The following KSR2 variants were observed in gnomAD, a reference collection of about 807,000 sequenced individuals.
KSR2 encodes the protein kinase suppressor of ras 2.
Under a neutral mutation model 107.8 loss-of-function variants are expected in KSR2, and 25 were observed. The ratio of observed to expected loss-of-function variants is 0.23; its 90% CI spans 0.17 to 0.32. KSR2 has a LOEUF of 0.32. Among genes scored for constraint, KSR2 ranks in the 10% least tolerant of loss-of-function variants. The pLI, the probability that KSR2 is intolerant of heterozygous loss-of-function variation, is 1.00. For missense variants in KSR2, 887 were observed against 1,268.9 expected, an observed-to-expected ratio of 0.70 and a Z score of 4.57; for synonymous variants, 480 against 507.0, an observed-to-expected ratio of 0.95 and a Z score of 0.71.
intron 5 of KSR2, among the ~76,000 whole-genome samples, chr12:117,608,529 C>T (rs1412173864): frequency 6.6e-6 from 1 of 152,174 alleles, no homozygotes; most frequent in African/African-American, 2.4e-5. Context: ...GGAATAGAAT[C>T]AGAGTGGCCT....
chr12:117,574,451 G>C (rs771573167), intron 7 of KSR2, among the ~76,000 whole-genome samples: 1 of 152,128 alleles, frequency 6.6e-6, no homozygotes, highest in Non-Finnish European at 1.5e-5. Flanking sequence ...CCATGTGGCT[G>C]GGGAGGCCTC....
intron 7 of KSR2, among the ~76,000 whole-genome samples, chr12:117,572,396 G>A (rs1878950664): frequency 6.6e-6 from 1 of 152,112 alleles, no homozygotes; most frequent in African/African-American, 2.4e-5. Context: ...ATCTGCAGAC[G>A]GGCTCAGGAA....
intron 3 of KSR2, among the ~76,000 whole-genome samples, chr12:117,834,852 G>A (rs1347548655): frequency 2.0e-5 from 3 of 152,330 alleles, no homozygotes; most frequent in South Asian, 2.1e-4. Context: ...ATGCAAAGGT[G>A]GGAATTAATT....
intron 7 of KSR2, among the ~76,000 whole-genome samples, chr12:117,563,387 C>G (rs1184732398): frequency 2.0e-5 from 3 of 152,134 alleles, no homozygotes. Context: ...GTATATAGAA[C>G]AAACCTAGGT....
chr12:117,565,024 T>A (rs1054394502), intron 7 of KSR2, among the ~76,000 whole-genome samples: 3 of 152,170 alleles, frequency 2.0e-5, no homozygotes, highest in Admixed American at 6.5e-5. Flanking sequence ...TGGATCTCCA[T>A]GGGAACTGCG....
At chr12:117,735,638 G>C (rs10850893) in intron 4 of KSR2, among the ~76,000 whole-genome samples, 39,835 of 151,962 alleles carry the variant, frequency 0.26, 5,501 homozygotes, top group East Asian at 0.45. Flanking sequence ...CATTCCGCTT[G>C]TGGTAAAACA....
At chr12:117,667,695 A>T in intron 4 of KSR2, 37 bp from the exon 5 acceptor site, 1 of 1,503,172 alleles carries the variant, frequency 6.7e-7, no homozygotes, top group Non-Finnish European at 8.9e-7. Flanking sequence ...AAGGAAATAT[A>T]TCCATAGGTG....
intron 4 of KSR2, among the ~76,000 whole-genome samples, chr12:117,759,538 C>T (rs138162610): frequency 0.019 from 2,959 of 152,246 alleles, 39 homozygotes; most frequent in Admixed American, 0.032. Context: ...TTCAATGGTA[C>T]TAATTACATT....
chr12:117,714,671 G>C lies in KSR2; in HGVS notation c.986+46340C>G, dbSNP rs115942572. 7.8e-3 allele frequency among the ~76,000 whole-genome samples: 1,186 copies of C among 152,272 alleles called. 19 individuals are homozygous for C. The highest frequency in any genetic ancestry group is 0.027 in the African/African-American group (1,137 of 41,552). On this transcript the variant is annotated intron_variant, in intron 4 of 19. Transcript: ENST00000339824. ...CTTCTCAGCCCAGTCCTCTGTAACA[G>C]CTGCCTCACGACTCACAAAGTCCCT...
chr12:117,761,166 C>A lies in KSR2; in HGVS notation c.831G>T (p.Pro277=). 3 of 1,600,290 alleles carry A rather than the reference C, an allele frequency of 1.9e-6. No homozygotes were observed. The highest frequency in any genetic ancestry group is 2.6e-6 in the Non-Finnish European group (3 of 1,172,206). ...IVTTVTPPGT[P]PMRKKNKLKP... ...TCAGCTTGTTCTTCTTCCTCATGGGCGGCGTGCCCGGCGGGGTCACGGTGG... is the reference window on the plus strand; with the variant it reads ...TCAGCTTGTTCTTCTTCCTCATGGGAGGCGTGCCCGGCGGGGTCACGGTGG... The change falls in exon 4 of 20, where the codon CCG becomes CCT. Residue 277 remains proline, a synonymous_variant. Coordinates refer to ENST00000339824, the MANE Select transcript of KSR2 (RefSeq NM_173598.6).
At chr12:117,603,493 T>C (rs913024208) in intron 5 of KSR2, among the ~76,000 whole-genome samples, 4 of 152,200 alleles carry the variant, frequency 2.6e-5, no homozygotes, top group Non-Finnish European at 5.9e-5. Flanking sequence ...GCCCTTCCTG[T>C]CTGGCCTGGA....
At chr12:117,930,051 T>A (rs192608900) in intron 1 of KSR2, among the ~76,000 whole-genome samples, 2,517 of 148,106 alleles carry the variant, frequency 0.017, 31 homozygotes, top group Middle Eastern at 0.099. Flanking sequence ...TTAAAAAAAA[T>A]TTTTTTTTTT....
At chr12:117,517,025 C>G (rs1036912972) in intron 14 of KSR2, among the ~76,000 whole-genome samples, 2 of 152,132 alleles carry the variant, frequency 1.3e-5, no homozygotes, top group African/African-American at 4.8e-5. Flanking sequence ...AGACCACCCC[C>G]CTCCATAGGA....
intron 4 of KSR2, among the ~76,000 whole-genome samples, chr12:117,741,239 G>A (rs1323319862): frequency 1.1e-4 from 17 of 152,102 alleles, no homozygotes; most frequent in Admixed American, 1.0e-3. Flanking sequence ...GTAGAGAGCT[G>A]GGTGTGGTGG....
intron 4 of KSR2, among the ~76,000 whole-genome samples, chr12:117,690,914 G>A (rs1885785792): frequency 6.6e-6 from 1 of 152,154 alleles, no homozygotes; most frequent in Admixed American, 6.5e-5. Flanking sequence ...GCTGGTCTGT[G>A]GTCCTGCAGG....
At chr12:117,837,131 C>G (rs547100483) in intron 3 of KSR2, among the ~76,000 whole-genome samples, 1 of 152,152 alleles carries the variant, frequency 6.6e-6, no homozygotes, top group Admixed American at 6.5e-5. Context: ...CTGATAGATG[C>G]CTCTGCCGTT....
chr12:117,966,492 T>A (rs372534718), intron 1 of KSR2, among the ~76,000 whole-genome samples: 156 of 152,054 alleles, frequency 1.0e-3, no homozygotes, highest in African/African-American at 3.5e-3. Context: ...CAATTCCCAC[T>A]CTCCCGATAC....
In KSR2 at chr12:117,644,526, G is replaced by A. The variant is rs374977303; in HGVS notation, c.1171+22948C>T. 5.3e-4 allele frequency among the ~76,000 whole-genome samples: 80 copies of A among 152,298 alleles called. 1 individual carries two copies. In the South Asian group the frequency reaches 6.6e-3, roughly 13 times the overall value. On this transcript the variant is annotated intron_variant, in intron 5 of 19. Transcript: ENST00000339824. ...AACCCCTGGACCCTATCCTCCAGGG[G>A]CTCTGATGTCATTGGACCAGAGTGC...
chr12:117,672,853 G>C (rs775404648), intron 4 of KSR2, among the ~76,000 whole-genome samples: 4 of 152,214 alleles, frequency 2.6e-5, no homozygotes, highest in Non-Finnish European at 5.9e-5. Context: ...TTGAACTCCT[G>C]ACCTTGTGAT....
Sources: gnomAD v4.1 joint callset for allele counts (sites outside exome capture counted in the v4.1 genomes callset) on GRCh38, gnomAD v4.1.1 for gene constraint, MANE v1.5 for transcripts, NCBI Gene and HGNC (gene_info 2026-07-23, HGNC 2026-07-21) for gene names.